DAB1: variants seen among roughly 807,000 people sequenced by gnomAD.
DAB1 encodes disabled homolog 1.
In DAB1, 15 loss-of-function variants were observed where a neutral mutation model predicts 64.6. The observed-to-expected ratio is 0.23, with a 90% CI of 0.16 to 0.36. DAB1 has a LOEUF of 0.36. Among genes scored for constraint, DAB1 ranks in the 10% least tolerant of loss-of-function variants. The probability of loss-of-function intolerance (pLI) is 1.00; values close to 1 mark genes in which losing one functional copy is unlikely to be tolerated. For synonymous variants in DAB1, 235 were observed against 251.9 expected (o/e 0.93, Z 0.64); for missense variants, 596 against 706.7 (o/e 0.84, Z 1.78).
intron 5 of DAB1, among the ~76,000 whole-genome samples, chr1:57,983,628 G>A (rs1168103021): frequency 6.6e-6 from 1 of 152,172 alleles, no homozygotes; most frequent in Non-Finnish European, 1.5e-5. Flanking sequence ...AAGAGTCACT[G>A]AGTGAGGACC....
chr1:58,153,442 C>T (rs1312561215), intron 4 of DAB1, among the ~76,000 whole-genome samples: 1 of 152,158 alleles, frequency 6.6e-6, no homozygotes, highest in East Asian at 1.9e-4. Context: ...GATTCTTACT[C>T]CCTCCTGAAA....
chr1:57,232,328 C>A (rs12130571), intron 2 of DAB1, among the ~76,000 whole-genome samples: 11,191 of 120,396 alleles, frequency 0.093, 506 homozygotes, highest in East Asian at 0.21. Context: ...TTGAAATAGA[C>A]AGGAAAGTCA....
chr1:57,254,945 TA>T (rs891788846), intron 2 of DAB1, among the ~76,000 whole-genome samples: 5 of 151,874 alleles, frequency 3.3e-5, no homozygotes, highest in Admixed American at 2.6e-4. Context: ...CCTTAAACAT[TA>T]AAAAAAATGG....
chr1:57,379,093 A>T (rs944075032), intron 1 of DAB1, among the ~76,000 whole-genome samples: 1 of 152,134 alleles, frequency 6.6e-6, no homozygotes, highest in African/African-American at 2.4e-5. Context: ...CTTTACAGTT[A>T]TCTCAAGGTC....
At chr1:58,130,486 T>C (rs1256124899) in intron 5 of DAB1, among the ~76,000 whole-genome samples, 4 of 152,122 alleles carry the variant, frequency 2.6e-5, no homozygotes. Flanking sequence ...ATATGTGAAT[T>C]TGATCCTGTC....
chr1:57,291,269 T>G, intron 1 of DAB1, 103 bp from the exon 2 acceptor site: 1 of 356,736 alleles, frequency 2.8e-6, no homozygotes, highest in Admixed American at 4.7e-5. Context: ...AAAATCTTGG[T>G]CTTTATGCAA....
intron 6 of DAB1, among the ~76,000 whole-genome samples, chr1:57,727,484 G>A (rs981457805): frequency 1.3e-4 from 20 of 152,160 alleles, no homozygotes; most frequent in Admixed American, 1.3e-3. Flanking sequence ...GTAATCCGCT[G>A]CAATCACAGG....
At chr1:57,431,144 A>ACACAC (rs1442482991) in intron 7 of DAB1, among the ~76,000 whole-genome samples, 4 of 86,870 alleles carry the variant, frequency 4.6e-5, no homozygotes, top group African/African-American at 2.4e-4. Context: ...GGCCAAAAAC[A>ACACAC]AAAAAAAAAA....
intron 4 of DAB1, among the ~76,000 whole-genome samples, chr1:57,079,240 G>GT (rs1557681346): frequency 6.6e-6 from 1 of 152,024 alleles, no homozygotes. Flanking sequence ...TAATAAGATG[G>GT]TTTTTTCTTT....
At chr1:57,402,729 G>A (rs183568144) in intron 1 of DAB1, among the ~76,000 whole-genome samples, 7 of 152,320 alleles carry the variant, frequency 4.6e-5, no homozygotes, top group Admixed American at 1.3e-4. Flanking sequence ...ACTTCCTAGA[G>A]AGGAGAAATT....
Position 57,838,929 on chromosome 1 carries a change from A to G in DAB1, n.88-12474T>C, listed in dbSNP as rs115189582. 2.5e-3 allele frequency among the ~76,000 whole-genome samples: 377 copies of G among 152,186 alleles called. 4 individuals are homozygous for G. The highest frequency in any genetic ancestry group is 8.5e-3 in the African/African-American group (354 of 41,502). On this transcript the variant is annotated intron_variant and non_coding_transcript_variant, in intron 1 of 1. Transcript: ENST00000477280. ...GTAGCTGGGACTATAGGAGCATGCTAACATGCTCAGCTAATGTATTTATTT... is the reference window on the plus strand; with the variant it reads ...GTAGCTGGGACTATAGGAGCATGCTGACATGCTCAGCTAATGTATTTATTT...
At chr1:58,439,646 C>A (rs189513993) in intron 3 of DAB1, among the ~76,000 whole-genome samples, 1 of 152,160 alleles carries the variant, frequency 6.6e-6, no homozygotes, top group East Asian at 1.9e-4. Flanking sequence ...AGGTATCATG[C>A]CCATTTTACA....
intron 7 of DAB1, among the ~76,000 whole-genome samples, chr1:57,441,069 A>G (rs1685923887): frequency 6.6e-6 from 1 of 151,984 alleles, no homozygotes; most frequent in Non-Finnish European, 1.5e-5. Flanking sequence ...TCCCATAAAG[A>G]CAAAAAAAAA....
intron 6 of DAB1, among the ~76,000 whole-genome samples, chr1:57,690,113 C>T (rs1216111497): frequency 6.6e-6 from 1 of 152,068 alleles, no homozygotes; most frequent in African/African-American, 2.4e-5. Context: ...CTGAATAGTA[C>T]TCCATTGTGT....
chr1:57,316,205 A>G (rs1191262207), intron 1 of DAB1, among the ~76,000 whole-genome samples: 1 of 152,222 alleles, frequency 6.6e-6, no homozygotes, highest in Non-Finnish European at 1.5e-5. Context: ...AAAACAGGTG[A>G]GGCATTTTGT....
At chr1:58,368,221 T>C (rs2100532062) in intron 3 of DAB1, among the ~76,000 whole-genome samples, 1 of 152,288 alleles carries the variant, frequency 6.6e-6, no homozygotes, top group South Asian at 2.1e-4. Flanking sequence ...GCTACATAGC[T>C]ACATATTAGG....
At chr1:58,166,974 T>C (rs1247779875) in intron 4 of DAB1, among the ~76,000 whole-genome samples, 1 of 151,742 alleles carries the variant, frequency 6.6e-6, no homozygotes, top group Non-Finnish European at 1.5e-5. Context: ...CTCGAACTTC[T>C]GGCCTCAAGA....
At chr1:57,070,609 C>A in intron 7 of DAB1, 1 of 185,018 alleles carries the variant, frequency 5.4e-6, no homozygotes, top group South Asian at 1.1e-4. Flanking sequence ...GCTTAGAAAC[C>A]ATCCTTTGGG....
At chr1:57,148,204 C>T (rs1659333505) in intron 2 of DAB1, among the ~76,000 whole-genome samples, 1 of 152,092 alleles carries the variant, frequency 6.6e-6, no homozygotes, top group Non-Finnish European at 1.5e-5. Context: ...AAACATTTGT[C>T]AGGACACAGA....
Sources: allele counts gnomAD v4.1 joint callset (sites outside exome capture counted in the v4.1 genomes callset), GRCh38; gene constraint gnomAD v4.1.1; transcripts MANE v1.5; gene names NCBI Gene and HGNC (gene_info 2026-07-23, HGNC 2026-07-21).